Variants in PTPRS observed in about 807,000 individuals in gnomAD.
PTPRS encodes the protein protein tyrosine phosphatase receptor type S.
PTPRS carries 63 observed loss-of-function variants against 215.3 expected under a neutral mutation model. The ratio of observed to expected loss-of-function variants is 0.29; its 90% CI spans 0.24 to 0.36. The LOEUF (loss-of-function observed/expected upper bound fraction) is 0.36. Ranked by LOEUF, PTPRS falls within the 10% of genes least tolerant of loss-of-function variation. The pLI is 1.00. For synonymous variants in PTPRS, 1,404 were observed against 1,191.4 expected, an observed-to-expected ratio of 1.18 and a Z score of -3.68; for missense variants, 2,258 against 2,825.8, an observed-to-expected ratio of 0.80 and a Z score of 4.56.
intron 1 of PTPRS, among the ~76,000 whole-genome samples, chr19:5,325,563 A>G (rs2050146833): frequency 6.6e-6 from 1 of 151,712 alleles, no homozygotes; most frequent in South Asian, 2.1e-4. Context: ...TCCAACATCC[A>G]CCTCCCAAAA....
In PTPRS at chr19:5,229,566, G is replaced by A. The variant is rs1345845691; in HGVS notation, c.2274C>T (p.Val758=). The change falls in exon 15 of 38, where the codon GTC becomes GTT. Residue 758 remains valine (V), a synonymous_variant. Coordinates refer to ENST00000262963, the MANE Select transcript of PTPRS (RefSeq NM_002850.4). ...RQHGQIRGYQ[V]HYVRMEGAEA... is the part of the protein sequence containing the mutation. Reference sequence around the variant, plus strand: ...CGGCGCCCTCCATGCGCACGTAGTGGACCTGGTAGCCGCGGATCTGGCCGT... The same window carrying A: ...CGGCGCCCTCCATGCGCACGTAGTGAACCTGGTAGCCGCGGATCTGGCCGT... 12 of 1,458,424 alleles carry A rather than the reference G, an allele frequency of 8.2e-6. No individual in the cohort carries two copies. The highest frequency in any genetic ancestry group is 1.1e-5 in the Non-Finnish European group (12 of 1,106,538). The allele number at this position is 1,458,424 out of a possible 1,614,324, so 90.3% of individuals were successfully genotyped here.
At position 5,274,118 on chromosome 19, in the gene PTPRS, G is replaced by A. The variant is rs867079852; in HGVS notation, c.237+81C>T. The stretch of plus-strand genomic sequence containing the variant: ...TGCTCCACCTGGGGAACGTGTCCAC[G>A]AAGTCCACTGTGGCTGAGGTGCTGT... On this transcript the variant is annotated intron_variant, in intron 3 of 37. Transcript: ENST00000262963. 138 of 1,527,534 alleles carry A rather than the reference G, an allele frequency of 9.0e-5. No homozygotes were observed. In the Middle Eastern group the frequency reaches 4.1e-3, roughly 46 times the overall value. 94.6% of individuals were successfully genotyped at this position (1,527,534 alleles called of 1,614,324 possible).
At chr19:5,318,210 G>A (rs940781280) in intron 1 of PTPRS, among the ~76,000 whole-genome samples, 3 of 151,556 alleles carry the variant, frequency 2.0e-5, no homozygotes, top group East Asian at 3.9e-4. Flanking sequence ...GTGTGGTGGC[G>A]CTTGCCTGTA....
chr19:5,291,179 T>TG (rs988514177), intron 1 of PTPRS, among the ~76,000 whole-genome samples: 51 of 150,844 alleles, frequency 3.4e-4, no homozygotes, highest in African/African-American at 1.2e-3. Context: ...TGGCCAGGAG[T>TG]GGATGGGTGG....
At chr19:5,232,695 G>A (rs10401736) in intron 13 of PTPRS, among the ~76,000 whole-genome samples, 68,053 of 143,124 alleles carry the variant, frequency 0.48, 15,603 homozygotes, top group East Asian at 0.68. Flanking sequence ...GGCACCTACT[G>A]TGTGCCAGGC....
Position 5,223,004 on chromosome 19 carries a change from C to A in PTPRS, c.2788G>T (p.Gly930Cys). 1.3e-6 allele frequency: 2 copies of A among 1,542,010 alleles called. No individual in the cohort carries two copies. The highest frequency in any genetic ancestry group is 8.7e-7 in the Non-Finnish European group (1 of 1,146,610). The change falls in exon 18 of 38, where the codon GGC becomes TGC. Residue 930 changes from glycine to cysteine, a missense_variant. Transcript: ENST00000262963. ...GCCGCCTCCAGAATCTGCGGGTGGC[C>A]ACGGGGCGTGTCCTCCGGGATGCTC... ...VLSIPEDTPR[G>C]HPQILEAAGN...
chr19:5,207,001 T>C (rs1356790326), intron 37 of PTPRS, among the ~76,000 whole-genome samples, 159 bp from the exon 38 acceptor site: 1 of 152,242 alleles, frequency 6.6e-6, no homozygotes, highest in African/African-American at 2.4e-5. Flanking sequence ...AAGTGAGCTA[T>C]GCCACACCTC....
intron 4 of PTPRS, among the ~76,000 whole-genome samples, chr19:5,266,643 G>A (rs1477352772): frequency 6.6e-6 from 1 of 152,014 alleles, no homozygotes; most frequent in Non-Finnish European, 1.5e-5. Context: ...TGGATTACAG[G>A]TGTGAGCCAC....
At chr19:5,307,580 A>C (rs555595800) in intron 1 of PTPRS, among the ~76,000 whole-genome samples, 1 of 152,246 alleles carries the variant, frequency 6.6e-6, no homozygotes, top group Non-Finnish European at 1.5e-5. Context: ...TAAACAAGGG[A>C]ATATAAATCC....
chr19:5,269,794 G>A (rs919727522), intron 4 of PTPRS, among the ~76,000 whole-genome samples: 18 of 151,924 alleles, frequency 1.2e-4, no homozygotes, highest in African/African-American at 3.9e-4. Flanking sequence ...GCTAGTGGGC[G>A]CCTATAGTCC....
In PTPRS at chr19:5,244,452, A is replaced by G; in HGVS notation, c.1019T>C (p.Val340Ala). The G allele has an allele frequency of 1.2e-6, 2 of 1,614,012 alleles. No individual in the cohort carries two copies. The highest frequency in any genetic ancestry group is 1.7e-6 in the Non-Finnish European group (2 of 1,179,960). Reference protein sequence around the residue: ...SLPKAPGTPMVTENTATSITI... With the variant: ...SLPKAPGTPMATENTATSITI... ...GATGCTGGTGGCTGTGTTCTCAGTC[A>G]CCATGGGAGTCCCGGGAGCTTTGGG... Residue 340 changes from valine to alanine, a missense_variant, in exon 11 of 38, where the codon GTG becomes GCG. Around this residue, in one of 6 missense-constraint regions of PTPRS, gnomAD observed 508 missense variants for 799.4 expected, o/e 0.64. Transcript: ENST00000262963. The surrounding 1 kb of genome is among the most constrained non-coding windows in gnomAD (Gnocchi z 7.2).
rs111385546 is a variant in PTPRS at position 5,211,942 on chromosome 19, A to G, written c.5055+23T>C. The G allele has an allele frequency of 7.8e-3, 12,243 of 1,564,938 alleles. 883 individuals are homozygous for G. In the African/African-American group the frequency reaches 0.15, roughly 19 times the overall value. ...TGGGCCTCCTCCCCACCCCGCCCAC[A>G]GCAGCCTCCACCCCGCTGGCACCTT... On this transcript the variant is annotated intron_variant, in intron 32 of 37. Coordinates refer to ENST00000262963, the MANE Select transcript of PTPRS (RefSeq NM_002850.4).
chr19:5,220,425 C>G (rs45479500), intron 20 of PTPRS, 72 bp from the exon 21 acceptor site: 7 of 1,259,646 alleles, frequency 5.6e-6, no homozygotes, highest in East Asian at 4.8e-5. Context: ...TGGGGGCAAA[C>G]GGGGGAAGCC....
intron 35 of PTPRS, among the ~76,000 whole-genome samples, chr19:5,209,447 ATT>A (rs2040661172): frequency 6.6e-6 from 1 of 151,904 alleles, no homozygotes; most frequent in South Asian, 2.1e-4. Context: ...GCCATCCAAA[ATT>A]GTTATCCTCT....
At position 5,208,053 on chromosome 19, in the gene PTPRS, C is replaced by T. The variant is rs753044393; in HGVS notation, c.5647G>A (p.Gly1883Ser). Residue 1883 changes from glycine to serine, a missense_variant, in exon 37 of 38, where the codon GGC (glycine) becomes AGC (serine). Physicochemically the swap from Gly to Ser is moderately conservative, Grantham distance 56. Coordinates refer to ENST00000262963, the MANE Select transcript of PTPRS (RefSeq NM_002850.4). ...ATGAAGACGCCCGTCCTGCCCACGCCGGCACTGGTGGCAGTAAAGTGAGCA... is the reference window on the plus strand; with the variant it reads ...ATGAAGACGCCCGTCCTGCCCACGCTGGCACTGGTGGCAGTAAAGTGAGCA... ...DGPISVHCSA[G>S]VGRTGVFITL... 1.5e-5 allele frequency: 24 copies of T among 1,611,174 alleles called. No individual in the cohort carries two copies. Among genetic ancestry groups the T allele is most frequent in the African/African-American group, 2.7e-5 (2 of 74,916 alleles).
Position 5,218,119 on chromosome 19 carries a change from G to A in PTPRS, c.4048+301C>T, listed in dbSNP as rs374895167. On this transcript the variant is annotated intron_variant, in intron 25 of 37. Coordinates refer to ENST00000262963, the MANE Select transcript of PTPRS (RefSeq NM_002850.4). Reference sequence around the variant, plus strand: ...GCTCTTTCTGCCCAAAGAAATGAGGGGTTTATTTGTGTTTTCTCCATTTTT... The same window carrying A: ...GCTCTTTCTGCCCAAAGAAATGAGGAGTTTATTTGTGTTTTCTCCATTTTT... Among the ~76,000 whole-genome samples, 42 of 151,920 alleles carry A rather than the reference G, an allele frequency of 2.8e-4. 1 individual carries two copies. Among genetic ancestry groups the A allele is most frequent in the Admixed American group, 2.6e-3 (39 of 15,240 alleles).
intron 4 of PTPRS, among the ~76,000 whole-genome samples, chr19:5,265,437 G>A (rs2046330568): frequency 6.6e-6 from 1 of 152,172 alleles, no homozygotes; most frequent in South Asian, 2.1e-4. Flanking sequence ...AACAACCTGG[G>A]CTCAAGTGAT....
At chr19:5,320,973 T>C (rs1465921766) in intron 1 of PTPRS, among the ~76,000 whole-genome samples, 3 of 151,974 alleles carry the variant, frequency 2.0e-5, no homozygotes. Context: ...ATGAGAAGAA[T>C]AAAACAAGGG....
intron 13 of PTPRS, among the ~76,000 whole-genome samples, chr19:5,233,729 G>C (rs1158322938): frequency 6.6e-6 from 1 of 151,188 alleles, no homozygotes; most frequent in Non-Finnish European, 1.5e-5. Context: ...GGATCACGAG[G>C]TCAGGAGTTA....
Sources: allele counts gnomAD v4.1 joint callset (sites outside exome capture counted in the v4.1 genomes callset), GRCh38; gene constraint gnomAD v4.1.1; regional missense constraint gnomAD v4.1.1; non-coding constraint Gnocchi (gnomAD v3.1); transcripts MANE v1.5; gene names NCBI Gene and HGNC (gene_info 2026-07-23, HGNC 2026-07-21).